SPMAP2L: variants seen among roughly 807,000 people sequenced by gnomAD.
SPMAP2L encodes the protein sperm microtubule associated protein 2 like.
chr4:56,621,321 GA>G, the SPMAP2L span, among the ~76,000 whole-genome samples: 1 of 152,080 alleles, frequency 6.6e-6, no homozygotes, highest in Non-Finnish European at 1.5e-5. Context: ...TATTCCTATG[GA>G]AAAATGAATC....
chr4:56,560,181 G>A, the SPMAP2L span, among the ~76,000 whole-genome samples: 5 of 152,150 alleles, frequency 3.3e-5, no homozygotes, highest in African/African-American at 1.2e-4. Flanking sequence ...TTTCAAGTTA[G>A]GGGCTCCAAT....
chr4:56,582,402 AT>A, the SPMAP2L span, among the ~76,000 whole-genome samples: 1 of 152,180 alleles, frequency 6.6e-6, no homozygotes, highest in African/African-American at 2.4e-5. Context: ...ATTTAAATAG[AT>A]GTTTACCCCA....
At chr4:56,586,104 T>C in the SPMAP2L span, among the ~76,000 whole-genome samples, 1 of 152,196 alleles carries the variant, frequency 6.6e-6, no homozygotes, top group Non-Finnish European at 1.5e-5. Flanking sequence ...CTGGGAAATC[T>C]GTAATGCCTT....
the SPMAP2L span, chr4:56,594,240 A>G: frequency 6.3e-7 from 1 of 1,598,998 alleles, no homozygotes; most frequent in Non-Finnish European, 8.6e-7. Context: ...TTCAACAGCT[A>G]CCACTCTGAA....
At chr4:56,534,665 G>A in the SPMAP2L span, among the ~76,000 whole-genome samples, 270 of 152,246 alleles carry the variant, frequency 1.8e-3, 2 homozygotes, top group African/African-American at 6.1e-3. Context: ...AGTGGCTTAC[G>A]CCTGTAATCC....
At chr4:56,552,527 T>C in the SPMAP2L span, 2 of 1,374,858 alleles carry the variant, frequency 1.5e-6, no homozygotes, top group Middle Eastern at 1.8e-4. Context: ...TCTCTTTGAA[T>C]TAATCAGCTG....
the SPMAP2L span, among the ~76,000 whole-genome samples, chr4:56,599,997 T>C: frequency 8.6e-5 from 13 of 151,870 alleles, no homozygotes; most frequent in East Asian, 2.5e-3. Flanking sequence ...TATTAAAAAG[T>C]CAGGAAACAA....
the SPMAP2L span, among the ~76,000 whole-genome samples, chr4:56,620,469 C>T: frequency 1.3e-5 from 2 of 151,504 alleles, no homozygotes; most frequent in Non-Finnish European, 1.5e-5. Flanking sequence ...TCACCGCAAC[C>T]TCCGCCTCCT....
At chr4:56,544,537 G>C in the SPMAP2L span, among the ~76,000 whole-genome samples, 1 of 152,166 alleles carries the variant, frequency 6.6e-6, no homozygotes, top group Non-Finnish European at 1.5e-5. Context: ...AAAAAAAATA[G>C]GGTTCTATTT....
At chr4:56,535,494 C>T in the SPMAP2L span, among the ~76,000 whole-genome samples, 1 of 152,146 alleles carries the variant, frequency 6.6e-6, no homozygotes, top group African/African-American at 2.4e-5. Flanking sequence ...GACGTACCCC[C>T]TGCTTGCTCA....
chr4:56,600,847 A>T, the SPMAP2L span: 1 of 1,317,544 alleles, frequency 7.6e-7, no homozygotes, highest in Non-Finnish European at 1.0e-6. Context: ...AAAAGAAATG[A>T]TTGTGACTTA....
chr4:56,605,782 A>G, the SPMAP2L span, among the ~76,000 whole-genome samples: 13 of 152,208 alleles, frequency 8.5e-5, no homozygotes, highest in Non-Finnish European at 1.9e-4. Context: ...CCAACAACGT[A>G]TGAAGTTCCC....
the SPMAP2L span, among the ~76,000 whole-genome samples, chr4:56,540,683 C>T: frequency 1.6e-4 from 24 of 152,076 alleles, no homozygotes; most frequent in East Asian, 4.6e-3. Flanking sequence ...GAAAGACAGC[C>T]AAAGCCCATC....
At chr4:56,559,724 C>T in the SPMAP2L span, among the ~76,000 whole-genome samples, 2 of 152,084 alleles carry the variant, frequency 1.3e-5, no homozygotes, top group Admixed American at 6.5e-5. Context: ...CACACCACCA[C>T]ACCCAGCTAA....
At chr4:56,616,398 G>T in the SPMAP2L span, among the ~76,000 whole-genome samples, 1 of 152,160 alleles carries the variant, frequency 6.6e-6, no homozygotes, top group Non-Finnish European at 1.5e-5. Flanking sequence ...GGTACTGGGG[G>T]TTAAGACTTC....
At chr4:56,586,864 C>T in the SPMAP2L span, among the ~76,000 whole-genome samples, 1 of 151,852 alleles carries the variant, frequency 6.6e-6, no homozygotes, top group Admixed American at 6.6e-5. Context: ...CGACACAAAC[C>T]CCACCTCTCA....
the SPMAP2L span, among the ~76,000 whole-genome samples, chr4:56,625,646 C>T: frequency 6.6e-6 from 1 of 152,224 alleles, no homozygotes; most frequent in South Asian, 2.1e-4. Context: ...TTGCTTTTTC[C>T]TCATCTTCCT....
chr4:56,532,586 C>T, the SPMAP2L span, among the ~76,000 whole-genome samples: 32,273 of 152,034 alleles, frequency 0.21, 3,715 homozygotes, highest in Admixed American at 0.3. Flanking sequence ...CCAGCATCAC[C>T]CCCATTTCTC....
the SPMAP2L span, among the ~76,000 whole-genome samples, chr4:56,608,756 C>T: frequency 2.6e-5 from 4 of 152,186 alleles, no homozygotes; most frequent in Non-Finnish European, 4.4e-5. Context: ...GAGCCACCAA[C>T]ATGCAACATC....
Sources: gnomAD v4.1 joint callset for allele counts (sites outside exome capture counted in the v4.1 genomes callset) on GRCh38, gnomAD v4.1.1 for gene constraint, MANE v1.5 for transcripts, NCBI Gene and HGNC (gene_info 2026-07-23, HGNC 2026-07-21) for gene names.